SLC19A1: variants seen among roughly 807,000 people sequenced by gnomAD.
SLC19A1 encodes solute carrier family 19 member 1.
In SLC19A1, 37 loss-of-function variants were observed where a neutral mutation model predicts 35.3. The ratio of observed to expected loss-of-function variants is 1.05; its 90% CI spans 0.81 to 1.38. SLC19A1 has a LOEUF of 1.38. Among genes scored for constraint, SLC19A1 ranks in the 40% most tolerant of loss-of-function variants. The pLI, the probability that SLC19A1 is intolerant of heterozygous loss-of-function variation, is 0.00. For missense variants in SLC19A1, 831 were observed against 826.9 expected, an observed-to-expected ratio of 1.00 and a Z score of -0.06; for synonymous variants, 460 against 398.5, an observed-to-expected ratio of 1.15 and a Z score of -1.84.
Position 45,540,029 on chromosome 21 carries a change from A to G in SLC19A1, c.-49-2021T>C, listed in dbSNP as rs535611804. Among the ~76,000 whole-genome samples the G allele has an allele frequency of 6.6e-6, 1 of 152,264 alleles. No homozygotes were observed. Among genetic ancestry groups the G allele is most frequent in the Non-Finnish European group, 1.5e-5 (1 of 68,004 alleles). ...GCAGGGGCCACTGCCAGGCCGAGGC[A>G]GATCTGACGGTCGCCTGCCTCGGCC... On this transcript the variant is annotated intron_variant, in intron 1 of 5. Coordinates refer to ENST00000311124, the MANE Select transcript of SLC19A1 (RefSeq NM_194255.4). The surrounding 1 kb of genome is among the most constrained non-coding windows in gnomAD (Gnocchi z 5.5).
intron 4 of SLC19A1, among the ~76,000 whole-genome samples, 166 bp from the exon 5 acceptor site, chr21:45,526,124 C>T (rs896108501): frequency 2.6e-5 from 4 of 152,180 alleles, no homozygotes; most frequent in Non-Finnish European, 5.9e-5. Flanking sequence ...CCACACATGC[C>T]CGCCCCTGCC....
At chr21:45,511,286 C>A (rs372572728), downstream of SLC19A1, 346 of 909,244 alleles carry the variant, frequency 3.8e-4, 5 homozygotes, top group Middle Eastern at 3.6e-3. Flanking sequence ...GGCGGGCGGG[C>A]GGGCTCCTAT....
chr21:45,557,478 G>T (rs2078574613), intron 1 of SLC19A1, among the ~76,000 whole-genome samples: 1 of 152,238 alleles, frequency 6.6e-6, no homozygotes, highest in African/African-American at 2.4e-5. Flanking sequence ...CACAGAGACG[G>T]TTGGGCCCGG....
rs986577423 is a variant in SLC19A1 at position 45,513,933 on chromosome 21, G to A, written c.*1725C>T. 6.6e-6 allele frequency: 1 copy of A among 152,298 alleles called. No homozygotes were observed. Among genetic ancestry groups the A allele is most frequent in the Non-Finnish European group, 1.5e-5 (1 of 68,090 alleles). The allele number at this position is 152,298 out of a possible 1,614,324, so 9.4% of individuals were successfully genotyped here. On this transcript the variant is annotated 3_prime_UTR_variant, in exon 6 of 6. Coordinates refer to ENST00000311124, the MANE Select transcript of SLC19A1 (RefSeq NM_194255.4). ...CATCCATAGTGTGCACAGGTACACAGGCATGCACGGGTGTGTGGACACACA... is the reference window on the plus strand; with the variant it reads ...CATCCATAGTGTGCACAGGTACACAAGCATGCACGGGTGTGTGGACACACA...
At position 45,537,824 on chromosome 21, in the gene SLC19A1, T is replaced by C; in HGVS notation, c.136A>G (p.Ser46Gly). Residue 46 changes from serine to glycine, a missense_variant, in exon 2 of 6, where the codon AGC becomes GGC. Physicochemically the swap from Ser to Gly is moderately conservative, Grantham distance 56. Coordinates refer to ENST00000311124, the MANE Select transcript of SLC19A1 (RefSeq NM_194255.4). ...GFMAQIRPGE[S>G]FITPYLLGPD... ...CCCAGGAGGTAGGGGGTGATGAAGC[T>C]CTCCCCTGGCCGTATCTGCGCCATG... The C allele has an allele frequency of 6.3e-7, 1 of 1,595,348 alleles. No homozygotes were observed. Among genetic ancestry groups the C allele is most frequent in the East Asian group, 2.3e-5 (1 of 43,828 alleles).
At chr21:45,510,241 G>T (rs77326997), downstream of SLC19A1, 10 of 1,605,796 alleles carry the variant, frequency 6.2e-6, no homozygotes, top group Non-Finnish European at 8.5e-6. Context: ...CCGCGCAGCC[G>T]TGCCCATCGT....
downstream of SLC19A1, chr21:45,507,603 C>CT (rs745740935): frequency 7.4e-6 from 12 of 1,612,492 alleles, no homozygotes; most frequent in East Asian, 1.6e-4. Context: ...GGTAAGGAGC[C>CT]TTTTTTCTGT....
At chr21:45,541,407 A>C (rs2078299163) in intron 1 of SLC19A1, among the ~76,000 whole-genome samples, 2 of 152,262 alleles carry the variant, frequency 1.3e-5, no homozygotes, top group South Asian at 4.1e-4. Flanking sequence ...GGGGGAGGCC[A>C]CCTCTTTACA....
intron 3 of SLC19A1, chr21:45,507,535 T>C (rs1166214605): frequency 6.2e-7 from 1 of 1,610,024 alleles, no homozygotes; most frequent in South Asian, 1.1e-5. Flanking sequence ...CCGCAGGTCC[T>C]GGGTGACCCT....
chr21:45,510,611 C>T (rs1397852062), downstream of SLC19A1, among the ~76,000 whole-genome samples: 2 of 152,186 alleles, frequency 1.3e-5, no homozygotes, highest in East Asian at 1.9e-4. Context: ...GAATCAGGAA[C>T]CGTCCTTTGG....
rs191277383 is a variant in SLC19A1, at chr21:45,526,534, T to G, written c.1152-576A>C. 2.1e-3 allele frequency among the ~76,000 whole-genome samples: 323 copies of G among 152,304 alleles called. 4 individuals carry two copies. The highest frequency in any genetic ancestry group is 6.8e-3 in the Middle Eastern group (2 of 294). ...ATTTTCCACCGGGTTGTCTTTCCGG[T>G]GCTCAAAAACTGTCAGATTTTGGAG... On this transcript the variant is annotated intron_variant, in intron 4 of 5. Transcript: ENST00000311124.
In SLC19A1 at chr21:45,515,437, G is replaced by GCC; in HGVS notation, c.*220_*221insGG. 6.9e-7 allele frequency: 1 copy of GCC among 1,456,600 alleles called. No individual in the cohort carries two copies. The highest frequency in any genetic ancestry group is 9.0e-7 in the Non-Finnish European group (1 of 1,114,608). The allele number at this position is 1,456,600 out of a possible 1,614,324, so 90.2% of individuals were successfully genotyped here. Reference sequence around the variant, plus strand: ...CCCACCTCTTCCAGCAACAAAGCCCGCGGGGCACAGTGCAGGGACAGCATG... The same window carrying GCC: ...CCCACCTCTTCCAGCAACAAAGCCCGCCCGGGGCACAGTGCAGGGACAGCATG... On this transcript the variant is annotated 3_prime_UTR_variant, in exon 6 of 6. Coordinates refer to ENST00000311124, the MANE Select transcript of SLC19A1 (RefSeq NM_194255.4).
intron 3 of SLC19A1, among the ~76,000 whole-genome samples, chr21:45,503,507 A>C (rs1189853981): frequency 6.6e-6 from 1 of 151,958 alleles, no homozygotes; most frequent in African/African-American, 2.4e-5. Flanking sequence ...GAAATTGGAA[A>C]TCATCATTCT....
At chr21:45,509,308 C>T, downstream of SLC19A1, 1 of 1,535,270 alleles carries the variant, frequency 6.5e-7, no homozygotes, top group African/African-American at 1.4e-5. Flanking sequence ...GGAGGAGGGG[C>T]ACCCGGAGGG....
chr21:45,510,192 G>A (rs370750158), downstream of SLC19A1: 327 of 1,599,140 alleles, frequency 2.0e-4, no homozygotes, highest in Middle Eastern at 1.7e-4. Flanking sequence ...TCCTGTCCTC[G>A]CGCCTGCAGG....
At chr21:45,508,494 G>A (rs1489574311), downstream of SLC19A1, among the ~76,000 whole-genome samples, 1 of 151,794 alleles carries the variant, frequency 6.6e-6, no homozygotes, top group Non-Finnish European at 1.5e-5. Context: ...TGGGTGGGTG[G>A]ATGGATGGTG....
At chr21:45,562,075 G>T (rs2078620069) in intron 1 of SLC19A1, among the ~76,000 whole-genome samples, 1 of 146,414 alleles carries the variant, frequency 6.8e-6, no homozygotes, top group Admixed American at 6.9e-5. Context: ...AGTTTGTAGT[G>T]AGCTGAGATC....
intron 4 of SLC19A1, among the ~76,000 whole-genome samples, chr21:45,526,379 G>A (rs1232503234): frequency 6.6e-6 from 1 of 152,172 alleles, no homozygotes; most frequent in Non-Finnish European, 1.5e-5. Context: ...TATAATACCT[G>A]ACAAACATTT....
intron 4 of SLC19A1, among the ~76,000 whole-genome samples, chr21:45,526,441 G>A (rs1429432374): frequency 6.6e-6 from 1 of 152,186 alleles, no homozygotes; most frequent in African/African-American, 2.4e-5. Flanking sequence ...CTGAGTTCTG[G>A]AGTAATTTTG....
Sources: allele counts gnomAD v4.1 joint callset (sites outside exome capture counted in the v4.1 genomes callset), GRCh38; gene constraint gnomAD v4.1.1; non-coding constraint Gnocchi (gnomAD v3.1); transcripts MANE v1.5; gene names NCBI Gene and HGNC (gene_info 2026-07-23, HGNC 2026-07-21).